The following CEACAM16 variants were observed in gnomAD, a reference collection of about 807,000 sequenced individuals.
CEACAM16 encodes CEA cell adhesion molecule 16, tectorial membrane component, also known as cell adhesion molecule CEACAM16.
A neutral mutation model predicts 39.4 loss-of-function variants in CEACAM16; 30 were observed. The observed-to-expected ratio is 0.76, with a 90% CI of 0.57 to 1.03. The LOEUF (loss-of-function observed/expected upper bound fraction) is 1.03. CEACAM16 is among the 50% of genes least tolerant of loss of function. CEACAM16 has a pLI of 0.00. For synonymous variants in CEACAM16, 262 were observed against 264.9 expected (o/e 0.99, Z 0.11); for missense variants, 521 against 585.3 (o/e 0.89, Z 1.13).
intron 4 of CEACAM16, 75 bp from the exon 5 acceptor site, chr19:44,705,515 A>G (rs1281151009): frequency 6.8e-7 from 1 of 1,466,964 alleles, no homozygotes; most frequent in Non-Finnish European, 9.2e-7. Context: ...AGCTTGGTGG[A>G]GAGAAAACCA....
rs374909793 is a variant in CEACAM16 at position 44,701,597 on chromosome 19, G to A, written c.37+104G>A. 1.8e-5 allele frequency: 21 copies of A among 1,141,682 alleles called. No individual in the cohort carries two copies. In the East Asian group the frequency reaches 2.3e-4, roughly 13 times the overall value. 70.7% of individuals were successfully genotyped at this position (1,141,682 alleles called of 1,614,324 possible). Reference sequence around the variant, plus strand: ...GGGAAGGTGTGAGCAGAAGTCCAGCGTGCTAGGGAGGGAGGGCAGCCCTGC... The same window carrying A: ...GGGAAGGTGTGAGCAGAAGTCCAGCATGCTAGGGAGGGAGGGCAGCCCTGC... On this transcript the variant is annotated intron_variant, in intron 2 of 6. Transcript: ENST00000587331. This position sits in a 1 kb window ranked among gnomAD's most constrained non-coding sequence, Gnocchi z 4.0.
Position 44,703,701 on chromosome 19 carries a change from A to G in CEACAM16, c.382+8A>G. On this transcript the variant is annotated splice_region_variant and intron_variant, in intron 3 of 6. Transcript: ENST00000587331. ...GACACGTGCAGGTCCATGGTGAGAC[A>G]CCCCCCAACACCCGCCTCTGCCCCA... The G allele has an allele frequency of 2.8e-6, 4 of 1,452,050 alleles. No homozygotes were observed. The highest frequency in any genetic ancestry group is 3.7e-6 in the Non-Finnish European group (4 of 1,094,780). The allele number at this position is 1,452,050 out of a possible 1,614,324, so 89.9% of individuals were successfully genotyped here. A position where few individuals can be genotyped will look rare whatever the true frequency, so the allele number is the denominator to read the frequency against.
rs1051276695 is a variant in CEACAM16 at position 44,710,698 on chromosome 19, A to G, written c.*192A>G. On this transcript the variant is annotated 3_prime_UTR_variant, in exon 7 of 7. Coordinates refer to ENST00000587331, the MANE Select transcript of CEACAM16 (RefSeq NM_001039213.4). ...GAGCTGTTGGGGAGCCACCGAGGCC[A>G]TAAACGTCCTGGTTAATGCACACGT... is the stretch of plus-strand genomic sequence containing the variant. 13 of 664,670 alleles carry G rather than the reference A, an allele frequency of 2.0e-5. No individual in the cohort carries two copies. Among genetic ancestry groups the G allele is most frequent in the African/African-American group, 1.6e-4 (9 of 55,278 alleles). 41.2% of individuals were successfully genotyped at this position (664,670 alleles called of 1,614,324 possible).
intron 4 of CEACAM16, 46 bp downstream of exon 4, chr19:44,704,342 A>C: frequency 1.4e-6 from 2 of 1,443,462 alleles, no homozygotes; most frequent in Non-Finnish European, 1.8e-6. Context: ...TCCAAACCTC[A>C]TGGATGGGGA....
At position 44,701,401 on chromosome 19, in the gene CEACAM16, G is replaced by A; in HGVS notation, c.-56G>A. The A allele has an allele frequency of 6.5e-7, 1 of 1,545,128 alleles. No individual in the cohort carries two copies. The stretch of plus-strand genomic sequence containing the variant: ...GAGCCGAGCCCCAACCAGGAAGGGA[G>A]TCCGAGCACTGGGACTTCAACGCCA... On this transcript the variant is annotated 5_prime_UTR_variant, in exon 2 of 7. Transcript: ENST00000587331. The surrounding 1 kb of genome is among the most constrained non-coding windows in gnomAD (Gnocchi z 4.0).
In CEACAM16 at chr19:44,705,685, G is replaced by T; in HGVS notation, c.757G>T (p.Val253Leu). ...CAACACGTCCCTCACCCTGTGGTGC[G>T]TGTCCAGGTCCTGCCCAGAGCCCGA... ...DFNTSLTLWC[V>L]SRSCPEPEYV... Residue 253 changes from valine (V) to leucine (L), a missense_variant, in exon 5 of 7, where the codon GTG becomes TTG. Coordinates refer to ENST00000587331, the MANE Select transcript of CEACAM16 (RefSeq NM_001039213.4). The T allele has an allele frequency of 6.2e-7, 1 of 1,613,918 alleles. No individual in the cohort carries two copies. Among genetic ancestry groups the T allele is most frequent in the Non-Finnish European group, 8.5e-7 (1 of 1,179,836 alleles).
chr19:44,707,758 A>G, intron 5 of CEACAM16, 103 bp from the exon 6 acceptor site: 2 of 1,019,374 alleles, frequency 2.0e-6, no homozygotes, highest in Non-Finnish European at 2.8e-6. Context: ...AGCACCCTAC[A>G]TGGGGAGTGC....
rs1405723884 is a variant in CEACAM16, at chr19:44,705,575, C to T, written c.662-15C>T. 14 of 1,582,506 alleles carry T rather than the reference C, an allele frequency of 8.8e-6. No individual in the cohort carries two copies. Among genetic ancestry groups the T allele is most frequent in the Admixed American group, 1.7e-5 (1 of 58,832 alleles). On this transcript the variant is annotated splice_polypyrimidine_tract_variant and intron_variant, in intron 4 of 6. Transcript: ENST00000587331. ...TCCCTCTACTGCCCCATCTATCTCC[C>T]TCCTGCCCCCACAGTTGGCCCAGAG...
intron 5 of CEACAM16, among the ~76,000 whole-genome samples, chr19:44,707,382 G>A (rs982691119): frequency 6.6e-6 from 1 of 152,204 alleles, no homozygotes; most frequent in East Asian, 1.9e-4. Context: ...CAATCTGATG[G>A]AGGAGACATG....
In CEACAM16 at chr19:44,710,700, A is replaced by C. The variant is rs2122209926; in HGVS notation, c.*194A>C. The C allele has an allele frequency of 1.5e-6, 1 of 655,854 alleles. No homozygotes were observed. 40.6% of individuals were successfully genotyped at this position (655,854 alleles called of 1,614,324 possible). The stretch of plus-strand genomic sequence containing the variant: ...GCTGTTGGGGAGCCACCGAGGCCAT[A>C]AACGTCCTGGTTAATGCACACGTGT... On this transcript the variant is annotated 3_prime_UTR_variant, in exon 7 of 7. Coordinates refer to ENST00000587331, the MANE Select transcript of CEACAM16 (RefSeq NM_001039213.4).
At position 44,702,927 on chromosome 19, in the gene CEACAM16, C is replaced by A. The variant is rs372728222; in HGVS notation, c.38-422C>A. Among the ~76,000 whole-genome samples the A allele has an allele frequency of 2.4e-4, 36 of 152,322 alleles. No homozygotes were observed. The East Asian group carries it at 5.0e-3, about 21-fold the overall frequency. ...AGATCCTTGGCACAGTCCATCAGAC[C>A]CAATCCTCACAACACACGCCTCCCT... is the stretch of plus-strand genomic sequence containing the variant. On this transcript the variant is annotated intron_variant, in intron 2 of 6. Coordinates refer to ENST00000587331, the MANE Select transcript of CEACAM16 (RefSeq NM_001039213.4).
At chr19:44,705,134 A>T in intron 4 of CEACAM16, among the ~76,000 whole-genome samples, 1 of 152,170 alleles carries the variant, frequency 6.6e-6, no homozygotes, top group South Asian at 2.1e-4. Flanking sequence ...GAATCTTAGA[A>T]CCTCTAGACG....
rs1047374231 is a variant in CEACAM16, at chr19:44,701,293, T to A, written c.-96-68T>A. On this transcript the variant is annotated intron_variant, in intron 1 of 6. Coordinates refer to ENST00000587331, the MANE Select transcript of CEACAM16 (RefSeq NM_001039213.4). This position sits in a 1 kb window ranked among gnomAD's most constrained non-coding sequence, Gnocchi z 4.0. The stretch of plus-strand genomic sequence containing the variant: ...CCTGGTACCCAAACCGGGCCCCAGA[T>A]CCTTGGTGACTCGATCCCTCCAAAT... 2 of 802,318 alleles carry A rather than the reference T, an allele frequency of 2.5e-6. No homozygotes were observed. The highest frequency in any genetic ancestry group is 1.7e-5 in the African/African-American group (1 of 58,988). 49.7% of individuals were successfully genotyped at this position (802,318 alleles called of 1,614,324 possible).
intron 5 of CEACAM16, among the ~76,000 whole-genome samples, chr19:44,707,382 G>T (rs982691119): frequency 3.3e-5 from 5 of 152,204 alleles, no homozygotes; most frequent in African/African-American, 1.2e-4. Flanking sequence ...CAATCTGATG[G>T]AGGAGACATG....
chr19:44,704,147 T>C lies in CEACAM16; in HGVS notation c.512T>C (p.Leu171Pro). The change falls in exon 4 of 7, where the codon CTG becomes CCG. Residue 171 changes from leucine (L) to proline (P), a missense_variant. Coordinates refer to ENST00000587331, the MANE Select transcript of CEACAM16 (RefSeq NM_001039213.4). ...EVRWFFNGGA[L>P]PVALRLGLSP... ...CGCTGGTTCTTCAACGGTGGGGCCC[T>C]GCCCGTCGCTCTCCGCCTGGGCCTG... 6.3e-7 allele frequency: 1 copy of C among 1,592,168 alleles called. No homozygotes were observed. Among genetic ancestry groups the C allele is most frequent in the Non-Finnish European group, 8.5e-7 (1 of 1,170,536 alleles).
chr19:44,707,965 G>A lies in CEACAM16; in HGVS notation c.1045G>A (p.Ala349Thr), dbSNP rs187740201. 258 of 1,603,444 alleles carry A rather than the reference G, an allele frequency of 1.6e-4. 2 individuals are homozygous for A. The East Asian group carries it at 5.6e-3, about 35-fold the overall frequency. Residue 349 changes from alanine to threonine, a missense_variant, in exon 6 of 7, where the codon GCC becomes ACC. Physicochemically the swap from Ala to Thr is moderately conservative, Grantham distance 58 (BLOSUM62 0). Coordinates refer to ENST00000587331, the MANE Select transcript of CEACAM16 (RefSeq NM_001039213.4). ...QGYPKDLLVY[A>T]WYRGPASEPN... Reference sequence around the variant, plus strand: ...CTACCCCAAGGACCTGCTGGTCTACGCCTGGTACCGCGGGCCTGCCTCCGA... The same window carrying A: ...CTACCCCAAGGACCTGCTGGTCTACACCTGGTACCGCGGGCCTGCCTCCGA...
rs1478372109 is a variant in CEACAM16, at chr19:44,705,723, C to G, written c.795C>G (p.Thr265=). The change falls in exon 5 of 7, where the codon ACC becomes ACG. Residue 265 remains threonine (T), a synonymous_variant. Coordinates refer to ENST00000587331, the MANE Select transcript of CEACAM16 (RefSeq NM_001039213.4). ...RSCPEPEYVW[T]FNGQALKNGQ... is the part of the protein sequence containing the mutation. The stretch of plus-strand genomic sequence containing the variant: ...GCCCAGAGCCCGAGTATGTGTGGAC[C>G]TTCAACGGGCAGGCCCTAAAGAACG... 1 of 1,614,010 alleles carries G rather than the reference C, an allele frequency of 6.2e-7. No homozygotes were observed. The highest frequency in any genetic ancestry group is 1.3e-5 in the African/African-American group (1 of 75,048).
chr19:44,703,291 C>T, intron 2 of CEACAM16, 58 bp from the exon 3 acceptor site: 1 of 1,488,936 alleles, frequency 6.7e-7, no homozygotes, highest in Non-Finnish European at 9.2e-7. Flanking sequence ...CTTCTTCTGT[C>T]AAATGGGGCG....
At chr19:44,704,984 A>G (rs956286275) in intron 4 of CEACAM16, among the ~76,000 whole-genome samples, 11 of 152,190 alleles carry the variant, frequency 7.2e-5, no homozygotes, top group African/African-American at 2.7e-4. Context: ...GGAGCAGCAG[A>G]TGTGCAGTGT....
Sources: allele counts gnomAD v4.1 joint callset (sites outside exome capture counted in the v4.1 genomes callset), GRCh38; gene constraint gnomAD v4.1.1; non-coding constraint Gnocchi (gnomAD v3.1); transcripts MANE v1.5; gene names NCBI Gene and HGNC (gene_info 2026-07-23, HGNC 2026-07-21).